The following RPS6KA2 variants were observed in gnomAD, a reference collection of about 807,000 sequenced individuals.
RPS6KA2 encodes the protein ribosomal protein S6 kinase alpha-2.
A neutral mutation model predicts 91.8 loss-of-function variants in RPS6KA2; 42 were observed. That is an observed-to-expected ratio of 0.46 (90% CI 0.36 to 0.59). The LOEUF is 0.59. RPS6KA2 is among the 20% of genes least tolerant of loss of function. The pLI is 0.00. For missense variants in RPS6KA2, 798 were observed against 978.5 expected (o/e 0.82, Z 2.46); for synonymous variants, 414 against 393.6 (o/e 1.05, Z -0.61).
At chr6:166,814,883 T>C (rs937368067) in intron 2 of RPS6KA2, among the ~76,000 whole-genome samples, 1 of 152,228 alleles carries the variant, frequency 6.6e-6, no homozygotes, top group African/African-American at 2.4e-5. Context: ...CATTATTTCA[T>C]TATATTTTAC....
rs1034202192 is a variant in RPS6KA2, at chr6:166,418,465, C to G, written c.1821-123G>C. 6.7e-6 allele frequency: 5 copies of G among 742,336 alleles called. No homozygotes were observed. The highest frequency in any genetic ancestry group is 5.4e-5 in the African/African-American group (3 of 56,014). The allele number at this position is 742,336 out of a possible 1,614,324, so 46.0% of individuals were successfully genotyped here. ...GCACTTTGCTTCTCCCTCCTCTGCT[C>G]TGAAGCCAGGATTCATGGGAAAGCG... On this transcript the variant is annotated intron_variant, in intron 18 of 20. Transcript: ENST00000265678. This position sits in a 1 kb window ranked among gnomAD's most constrained non-coding sequence, Gnocchi z 4.9.
chr6:166,475,962 T>C, intron 10 of RPS6KA2: 1 of 390,102 alleles, frequency 2.6e-6, no homozygotes. Context: ...AGGGGTCAAC[T>C]CCCCCAAATT....
intron 8 of RPS6KA2, among the ~76,000 whole-genome samples, chr6:166,492,808 T>C (rs1280052888): frequency 2.0e-5 from 3 of 151,284 alleles, no homozygotes; most frequent in Admixed American, 1.3e-4. Context: ...CTCCGCCTCC[T>C]GGGTTCAAGC....
chr6:166,777,166 G>A (rs1366935300), intron 2 of RPS6KA2, among the ~76,000 whole-genome samples: 2 of 152,230 alleles, frequency 1.3e-5, no homozygotes, highest in South Asian at 2.1e-4. Context: ...AAGCCTGGAC[G>A]AAAGCCCCGA....
At chr6:166,786,395 T>G (rs1778930423) in intron 2 of RPS6KA2, among the ~76,000 whole-genome samples, 1 of 152,054 alleles carries the variant, frequency 6.6e-6, no homozygotes, top group African/African-American at 2.4e-5. Flanking sequence ...GAATAATGAT[T>G]GTTAATATGG....
intron 16 of RPS6KA2, among the ~76,000 whole-genome samples, chr6:166,428,821 C>A (rs1779017424): frequency 6.6e-6 from 1 of 151,778 alleles, no homozygotes; most frequent in African/African-American, 2.4e-5. Context: ...AATAGGAACA[C>A]TTTTACACTG....
intron 3 of RPS6KA2, among the ~76,000 whole-genome samples, chr6:166,522,123 C>T (rs553326830): frequency 3.9e-5 from 6 of 152,340 alleles, no homozygotes; most frequent in African/African-American, 1.4e-4. Flanking sequence ...AGAAGCCACA[C>T]AATCTATGAT....
chr6:166,683,760 C>T (rs540699141), intron 2 of RPS6KA2, among the ~76,000 whole-genome samples: 22 of 152,224 alleles, frequency 1.4e-4, no homozygotes, highest in Non-Finnish European at 2.5e-4. Flanking sequence ...CTCACTCCAC[C>T]GCTGATACGC....
At chr6:166,615,247 G>C (rs1469515127) in intron 1 of RPS6KA2, among the ~76,000 whole-genome samples, 1 of 152,124 alleles carries the variant, frequency 6.6e-6, no homozygotes, top group Non-Finnish European at 1.5e-5. Flanking sequence ...ATGTTCCACT[G>C]GGGGCTGAGC....
intron 1 of RPS6KA2, among the ~76,000 whole-genome samples, chr6:166,559,983 C>A (rs1316150704): frequency 6.6e-6 from 1 of 152,196 alleles, no homozygotes; most frequent in Non-Finnish European, 1.5e-5. Flanking sequence ...GGAAAACATA[C>A]ACATGTGAAC....
chr6:166,487,484 G>A (rs78178573), intron 10 of RPS6KA2, among the ~76,000 whole-genome samples: 2,059 of 150,310 alleles, frequency 0.014, 46 homozygotes, highest in African/African-American at 0.049. Flanking sequence ...CAGGCTGAGT[G>A]GACAAAGGCG....
chr6:166,676,102 A>C (rs1041211907), intron 2 of RPS6KA2, among the ~76,000 whole-genome samples: 4 of 152,180 alleles, frequency 2.6e-5, no homozygotes, highest in African/African-American at 9.6e-5. Context: ...GGATCACTTG[A>C]GGTCAGGCGT....
intron 14 of RPS6KA2, 50 bp from the exon 15 acceptor site, chr6:166,432,540 G>A (rs548105300): frequency 3.6e-5 from 42 of 1,180,222 alleles, no homozygotes; most frequent in Non-Finnish European, 4.8e-5. Context: ...TAGGCTTTCG[G>A]GTGGTATCTG....
In RPS6KA2 at chr6:166,821,598, T is replaced by TC. The variant is rs1257387122; in HGVS notation, c.123+36601dup. Among the ~76,000 whole-genome samples, 1 of 152,016 alleles carries TC rather than the reference T, an allele frequency of 6.6e-6. No individual in the cohort carries two copies. Among genetic ancestry groups the TC allele is most frequent in the African/African-American group, 2.4e-5 (1 of 41,394 alleles). Reference sequence around the variant, plus strand: ...CTCCTCCCACCGTAACCACCTACGCTCCCCTGGGTTTCCTCCCCCTCACTT... The same window carrying TC: ...CTCCTCCCACCGTAACCACCTACGCTCCCCCTGGGTTTCCTCCCCCTCACTT... On this transcript the variant is annotated intron_variant, in intron 2 of 21. Transcript: ENST00000503859. The surrounding 1 kb of genome is among the most constrained non-coding windows in gnomAD (Gnocchi z 4.1).
At chr6:166,489,024 G>GGGT in intron 9 of RPS6KA2, 103 bp from the exon 10 acceptor site, 3 of 953,382 alleles carry the variant, frequency 3.1e-6, no homozygotes, top group Non-Finnish European at 4.9e-6. Flanking sequence ...CAGTCACCCA[G>GGGT]AGCAGCCCGT....
chr6:166,850,543 T>C (rs1202159866), intron 2 of RPS6KA2, among the ~76,000 whole-genome samples: 3 of 152,144 alleles, frequency 2.0e-5, no homozygotes, highest in Admixed American at 2.0e-4. Flanking sequence ...GAAATAATGC[T>C]TGTCTTTCTC....
chr6:166,476,225 G>A (rs908137688), intron 10 of RPS6KA2, among the ~76,000 whole-genome samples: 3 of 152,172 alleles, frequency 2.0e-5, no homozygotes, highest in Non-Finnish European at 1.5e-5. Context: ...GCAAAGCCCC[G>A]GGGTCTAGGA....
At position 166,493,100 on chromosome 6, in the gene RPS6KA2, CTCTTCCTCCCCT is replaced by C. The variant is rs1321608426; in HGVS notation, c.748-2371_748-2360del. 6.6e-6 allele frequency among the ~76,000 whole-genome samples: 1 copy of C among 152,120 alleles called. No homozygotes were observed. The highest frequency in any genetic ancestry group is 1.9e-4 in the East Asian group (1 of 5,190). Reference sequence around the variant, plus strand: ...AGGGTCCACTGCTTTGTGGTTCTCTCTCTTCCTCCCCTTCTTCCTCCATCCATATGGTAGGAG... The same window carrying C: ...AGGGTCCACTGCTTTGTGGTTCTCTCTCTTCCTCCATCCATATGGTAGGAG... On this transcript the variant is annotated intron_variant, in intron 8 of 20. Coordinates refer to ENST00000265678, the MANE Select transcript of RPS6KA2 (RefSeq NM_021135.6). The surrounding 1 kb of genome is among the most constrained non-coding windows in gnomAD (Gnocchi z 4.7).
intron 2 of RPS6KA2, among the ~76,000 whole-genome samples, chr6:166,843,168 A>G (rs901521186): frequency 4.6e-5 from 7 of 152,098 alleles, no homozygotes; most frequent in African/African-American, 1.7e-4. Context: ...CCCTGCGAAC[A>G]TAGCTCCATT....
Sources: gnomAD v4.1 joint callset for allele counts (sites outside exome capture counted in the v4.1 genomes callset) on GRCh38, gnomAD v4.1.1 for gene constraint, Gnocchi (gnomAD v3.1) non-coding constraint, MANE v1.5 for transcripts, NCBI Gene and HGNC (gene_info 2026-07-23, HGNC 2026-07-21) for gene names.